Variants in GGA2 observed in about 807,000 individuals in gnomAD.
GGA2 encodes golgi associated, gamma adaptin ear containing, ARF binding protein 2.
Under a neutral mutation model 79.5 loss-of-function variants are expected in GGA2, and 48 were observed. That is an observed-to-expected ratio of 0.60 (90% CI 0.48 to 0.77). GGA2 has a LOEUF of 0.77. Ranked by LOEUF, GGA2 falls within the 30% of genes least tolerant of loss-of-function variation. The probability of loss-of-function intolerance (pLI) is 0.00; values close to 1 mark genes in which losing one functional copy is unlikely to be tolerated. For missense variants in GGA2, 770 were observed against 774.0 expected (o/e 0.99, Z 0.06); for synonymous variants, 317 against 302.0 (o/e 1.05, Z -0.51).
In GGA2 at chr16:23,488,717, T is replaced by C. The variant is rs1964746173; in HGVS notation, c.476-8A>G. On this transcript the variant is annotated splice_polypyrimidine_tract_variant and splice_region_variant and intron_variant, in intron 5 of 16. Transcript: ENST00000309859. The stretch of plus-strand genomic sequence containing the variant: ...GGTCTTGTTTTATAATTCCTAAAAA[T>C]GCAATTTACAAAGTTAAGACACCGA... The C allele has an allele frequency of 6.7e-7, 1 of 1,484,706 alleles. No homozygotes were observed. The highest frequency in any genetic ancestry group is 1.8e-4 in the Middle Eastern group (1 of 5,698). The allele number at this position is 1,484,706 out of a possible 1,614,324, so 92.0% of individuals were successfully genotyped here. A position where few individuals can be genotyped will look rare whatever the true frequency, so the allele number is the denominator to read the frequency against.
chr16:23,518,385 T>C (rs1404629481), intron 2 of GGA2, among the ~76,000 whole-genome samples: 2 of 152,086 alleles, frequency 1.3e-5, no homozygotes, highest in Non-Finnish European at 2.9e-5. Flanking sequence ...ATTTCTGTAT[T>C]TTTTTGTAAA....
chr16:23,493,539 G>C (rs749431424), intron 3 of GGA2, 81 bp from the exon 4 acceptor site: 44 of 905,564 alleles, frequency 4.9e-5, no homozygotes, highest in Non-Finnish European at 6.8e-5. Flanking sequence ...TCACTTGCTG[G>C]AGACTGCGCT....
At chr16:23,491,137 GAAT>G (rs1480781078) in intron 5 of GGA2, among the ~76,000 whole-genome samples, 2 of 151,696 alleles carry the variant, frequency 1.3e-5, no homozygotes, top group Admixed American at 6.6e-5. Context: ...GTGGGTGGGA[GAAT>G]AATAATAAAT....
chr16:23,511,253 A>G (rs1008141336), upstream of GGA2, among the ~76,000 whole-genome samples: 3 of 139,162 alleles, frequency 2.2e-5, no homozygotes, highest in Admixed American at 1.5e-4. Flanking sequence ...CCTGGGTTCA[A>G]GCGATTCTCC....
At chr16:23,475,549 G>A (rs1158713231) in intron 13 of GGA2, among the ~76,000 whole-genome samples, 2 of 151,824 alleles carry the variant, frequency 1.3e-5, no homozygotes, top group Non-Finnish European at 2.9e-5. Context: ...TGTTAAATGG[G>A]AATAACAGAA....
Position 23,478,383 on chromosome 16 carries a change from G to A in GGA2, c.1277C>T (p.Pro426Leu). ...GAAGACTCACAGAGGGCACGGAGCT[G>A]GCTGTGCTGAGAGGAGGTCCAGCAA... ...RNLLDLLSAQ[P>L]APCPLNYVSQ... is the part of the protein sequence containing the mutation. The change falls in exon 13 of 17, where the codon CCA (proline) becomes CTA (leucine). Residue 426 changes from proline to leucine, a missense_variant. Transcript: ENST00000309859. 6.2e-7 allele frequency: 1 copy of A among 1,602,804 alleles called. No homozygotes were observed. Among genetic ancestry groups the A allele is most frequent in the Non-Finnish European group, 8.5e-7 (1 of 1,173,168 alleles).
chr16:23,512,554 C>A (rs4968014), upstream of GGA2, among the ~76,000 whole-genome samples: 110,293 of 145,822 alleles, frequency 0.76, 40,804 homozygotes, highest in Non-Finnish European at 0.82. Flanking sequence ...GAATACTGTT[C>A]TGGGAACACA....
chr16:23,498,415 G>C (rs1428718806), intron 1 of GGA2, among the ~76,000 whole-genome samples: 1 of 151,844 alleles, frequency 6.6e-6, no homozygotes, highest in Admixed American at 6.6e-5. Context: ...GGGACAAAAT[G>C]AGACCCCGTC....
chr16:23,511,051 T>TGTGTGTGTGTGTGTG (rs1965051492), upstream of GGA2, among the ~76,000 whole-genome samples: 1 of 76,172 alleles, frequency 1.3e-5, no homozygotes. Flanking sequence ...GTGTGTGTGT[T>TGTGTGTGTGTGTGTG]AGAGACTGGG....
chr16:23,495,813 A>G (rs377655661), intron 1 of GGA2, 35 bp from the exon 2 acceptor site: 23 of 1,417,670 alleles, frequency 1.6e-5, no homozygotes, highest in Non-Finnish European at 2.1e-5. Context: ...AGAGTACATA[A>G]TAGGAAGAAA....
chr16:23,470,747 T>A (rs975528373), intron 14 of GGA2, among the ~76,000 whole-genome samples: 11 of 146,784 alleles, frequency 7.5e-5, no homozygotes, highest in African/African-American at 2.0e-4. Context: ...AGACTCTGTC[T>A]CAAACAAACA....
At chr16:23,495,049 C>A (rs1964837180) in intron 2 of GGA2, among the ~76,000 whole-genome samples, 2 of 151,414 alleles carry the variant, frequency 1.3e-5, no homozygotes, top group African/African-American at 2.4e-5. Flanking sequence ...CGTGCCCTTG[C>A]ACTCCAGTCT....
At chr16:23,506,557 A>C (rs1438152927) in intron 1 of GGA2, among the ~76,000 whole-genome samples, 1 of 152,082 alleles carries the variant, frequency 6.6e-6, no homozygotes, top group Non-Finnish European at 1.5e-5. Context: ...GAAGGGTGTG[A>C]GCTTTGGTAT....
chr16:23,471,393 AC>A (rs1172261385), intron 14 of GGA2, among the ~76,000 whole-genome samples: 4 of 152,232 alleles, frequency 2.6e-5, no homozygotes, highest in African/African-American at 9.6e-5. Flanking sequence ...TGTAAGACTG[AC>A]CAATAAATTT....
chr16:23,488,512 G>GC, intron 6 of GGA2, 94 bp downstream of exon 6: 2 of 796,592 alleles, frequency 2.5e-6, no homozygotes, highest in Non-Finnish European at 4.4e-6. Flanking sequence ...CATGTAACCT[G>GC]CCCCCCTCCA....
rs1402442140 is a variant in GGA2, at chr16:23,465,395, CA to C, written c.*2194del. On this transcript the variant is annotated 3_prime_UTR_variant, in exon 17 of 17. Transcript: ENST00000309859. ...TAAACCACAGCCACTTTCAGGACAG[CA>C]GCCTGCCTCCTCTCCTCCTACCCCT... The C allele has an allele frequency of 2.8e-6, 2 of 702,912 alleles. No homozygotes were observed. The highest frequency in any genetic ancestry group is 2.6e-6 in the Non-Finnish European group (1 of 384,848). 43.5% of individuals were successfully genotyped at this position (702,912 alleles called of 1,614,324 possible). A position where few individuals can be genotyped will look rare whatever the true frequency, so the allele number is the denominator to read the frequency against.
rs1964409271 is a variant in GGA2, at chr16:23,464,454, T to C, written c.*3136A>G. On this transcript the variant is annotated 3_prime_UTR_variant, in exon 17 of 17. Transcript: ENST00000309859. ...ATAAAGTCAGGCATCAGGAAGCCATTCAGAATTTTTCACCCTGTCAGATGC... is the reference window on the plus strand; with the variant it reads ...ATAAAGTCAGGCATCAGGAAGCCATCCAGAATTTTTCACCCTGTCAGATGC... 1 of 151,844 alleles carries C rather than the reference T, an allele frequency of 6.6e-6. No individual in the cohort carries two copies. Among genetic ancestry groups the C allele is most frequent in the Non-Finnish European group, 1.5e-5 (1 of 67,968 alleles). 9.4% of individuals were successfully genotyped at this position (151,844 alleles called of 1,614,324 possible).
chr16:23,476,199 T>A (rs1462254511), intron 13 of GGA2, among the ~76,000 whole-genome samples: 1 of 152,122 alleles, frequency 6.6e-6, no homozygotes, highest in East Asian at 1.9e-4. Context: ...ACTAAAGTCC[T>A]GAGAGGAGAA....
upstream of GGA2, among the ~76,000 whole-genome samples, chr16:23,510,769 C>G (rs1965038996): frequency 6.6e-6 from 1 of 152,232 alleles, no homozygotes; most frequent in African/African-American, 2.4e-5. Flanking sequence ...TCCAATGGCG[C>G]GATCACGGCT....
Sources: allele counts gnomAD v4.1 joint callset (sites outside exome capture counted in the v4.1 genomes callset), GRCh38; gene constraint gnomAD v4.1.1; transcripts MANE v1.5; gene names NCBI Gene and HGNC (gene_info 2026-07-23, HGNC 2026-07-21).